Variants in RHEB observed in about 807,000 individuals in gnomAD.
RHEB encodes the protein GTP-binding protein Rheb.
RHEB carries 2 observed loss-of-function variants against 28.8 expected under a neutral mutation model. The observed-to-expected ratio is 0.07, with a 90% CI of 0.03 to 0.22. The LOEUF (loss-of-function observed/expected upper bound fraction) is 0.22, where lower values mean the gene tolerates loss of function less well. Among genes scored for constraint, RHEB ranks in the 10% least tolerant of loss-of-function variants. The probability of loss-of-function intolerance (pLI) is 1.00; values close to 1 mark genes in which losing one functional copy is unlikely to be tolerated. For synonymous variants in RHEB, 69 were observed against 77.3 expected (o/e 0.89, Z 0.56); for missense variants, 76 against 219.9 (o/e 0.35, Z 4.14).
intron 2 of RHEB, among the ~76,000 whole-genome samples, chr7:151,486,173 T>C (rs543450534): frequency 2.0e-5 from 3 of 152,326 alleles, no homozygotes; most frequent in Admixed American, 6.5e-5. Context: ...TCACGTGAGA[T>C]TGAAGTGTAT....
intron 1 of RHEB, among the ~76,000 whole-genome samples, chr7:151,492,151 C>G (rs956327772): frequency 2.6e-5 from 4 of 152,188 alleles, no homozygotes; most frequent in Admixed American, 2.0e-4. Context: ...AACTCCATCA[C>G]AACAGGACGT....
intron 4 of RHEB, among the ~76,000 whole-genome samples, chr7:151,473,917 CTGG>C (rs777159389): frequency 6.6e-6 from 1 of 152,194 alleles, no homozygotes; most frequent in East Asian, 1.9e-4. Flanking sequence ...CTGAAAAAGA[CTGG>C]TGGGGAAAAT....
chr7:151,467,386 C>T (rs115795498), intron 7 of RHEB, among the ~76,000 whole-genome samples, 175 bp from the exon 8 acceptor site: 2,974 of 152,150 alleles, frequency 0.02, 107 homozygotes, highest in African/African-American at 0.068. Flanking sequence ...CCACTGTCCA[C>T]CCCTCCTGAC....
At chr7:151,489,178 T>C (rs940779264) in intron 2 of RHEB, among the ~76,000 whole-genome samples, 1 of 152,266 alleles carries the variant, frequency 6.6e-6, no homozygotes, top group Non-Finnish European at 1.5e-5. Flanking sequence ...AACAATCTTC[T>C]ATTGTTCTGT....
intron 2 of RHEB, among the ~76,000 whole-genome samples, chr7:151,485,064 A>C (rs1349596302): frequency 2.0e-5 from 3 of 152,226 alleles, no homozygotes; most frequent in Non-Finnish European, 4.4e-5. Context: ...GCAACAATTC[A>C]TATCCTATAA....
intron 3 of RHEB, among the ~76,000 whole-genome samples, chr7:151,482,140 G>A (rs774159265): frequency 1.3e-5 from 2 of 152,184 alleles, no homozygotes; most frequent in Non-Finnish European, 2.9e-5. Flanking sequence ...AGCATTGAAG[G>A]TCTACAAAGA....
chr7:151,515,862 CT>C (rs1039721901), intron 1 of RHEB, among the ~76,000 whole-genome samples: 1 of 152,200 alleles, frequency 6.6e-6, no homozygotes, highest in Non-Finnish European at 1.5e-5. Flanking sequence ...CATTTTCCCC[CT>C]ATGATCTTTC....
intron 2 of RHEB, among the ~76,000 whole-genome samples, chr7:151,485,747 G>C (rs763370313): frequency 4.6e-5 from 7 of 152,202 alleles, no homozygotes; most frequent in Non-Finnish European, 8.8e-5. Flanking sequence ...ATTGATCAGA[G>C]ATCTTATCTG....
chr7:151,469,319 T>C (rs1283902145), intron 7 of RHEB, among the ~76,000 whole-genome samples: 1 of 152,220 alleles, frequency 6.6e-6, no homozygotes, highest in East Asian at 1.9e-4. Flanking sequence ...GATATTTATA[T>C]AAATGATACT....
chr7:151,505,153 T>A (rs906246370), intron 1 of RHEB, among the ~76,000 whole-genome samples: 6 of 125,160 alleles, frequency 4.8e-5, no homozygotes, highest in Non-Finnish European at 6.6e-5. Flanking sequence ...CCTGACACGA[T>A]ACAAAATAAA....
rs570597077 is a variant in RHEB, at chr7:151,491,564, C to T, written c.53-550G>A. Among the ~76,000 whole-genome samples the T allele has an allele frequency of 6.6e-5, 10 of 152,010 alleles. No homozygotes were observed. In the East Asian group the frequency reaches 1.2e-3, roughly 18 times the overall value. Reference sequence around the variant, plus strand: ...CAGCCTGGCCAACATGGCGAAATCCCGTCTCTACTAAAATTAACAAAAATT... The same window carrying T: ...CAGCCTGGCCAACATGGCGAAATCCTGTCTCTACTAAAATTAACAAAAATT... On this transcript the variant is annotated intron_variant, in intron 1 of 7. Transcript: ENST00000262187.
intron 1 of RHEB, among the ~76,000 whole-genome samples, chr7:151,498,759 C>T (rs1401411815): frequency 3.3e-5 from 5 of 152,176 alleles, no homozygotes; most frequent in Non-Finnish European, 7.4e-5. Flanking sequence ...TTACTTAAAC[C>T]TCTACCTAGT....
At chr7:151,495,528 G>C (rs1802657309) in intron 1 of RHEB, among the ~76,000 whole-genome samples, 3 of 152,196 alleles carry the variant, frequency 2.0e-5, no homozygotes, top group Admixed American at 2.0e-4. Context: ...TTTCACTACA[G>C]AAGGTGTACT....
intron 1 of RHEB, among the ~76,000 whole-genome samples, chr7:151,505,102 C>CA (rs796748124): frequency 0.084 from 8,203 of 97,998 alleles, 730 homozygotes; most frequent in African/African-American, 0.25. Flanking sequence ...AAAGTGAAAA[C>CA]AAAAAAAAAA....
intron 6 of RHEB, among the ~76,000 whole-genome samples, chr7:151,470,976 G>C (rs186321973): frequency 2.6e-5 from 4 of 152,360 alleles, no homozygotes; most frequent in Admixed American, 1.3e-4. Context: ...CCCAAGGCCA[G>C]GGGAAATTGT....
chr7:151,491,900 T>G (rs772533855), intron 1 of RHEB, among the ~76,000 whole-genome samples: 1 of 152,234 alleles, frequency 6.6e-6, no homozygotes, highest in Non-Finnish European at 1.5e-5. Flanking sequence ...TGAACTTGTA[T>G]GTTAATAAAT....
At chr7:151,506,880 C>T (rs968951080) in intron 1 of RHEB, among the ~76,000 whole-genome samples, 1 of 152,116 alleles carries the variant, frequency 6.6e-6, no homozygotes, top group Non-Finnish European at 1.5e-5. Flanking sequence ...GCTGGGAAGG[C>T]GGGGCATTCT....
chr7:151,513,833 A>G (rs918225583), intron 1 of RHEB, among the ~76,000 whole-genome samples: 5 of 152,250 alleles, frequency 3.3e-5, no homozygotes, highest in Non-Finnish European at 7.3e-5. Flanking sequence ...AAGACATTAA[A>G]AGATACCTGC....
intron 4 of RHEB, among the ~76,000 whole-genome samples, chr7:151,473,022 G>T (rs560401080): frequency 5.6e-4 from 85 of 152,342 alleles, no homozygotes; most frequent in Non-Finnish European, 1.0e-3. Context: ...AAAGAACTAG[G>T]ACTGTGTGGC....
Sources: allele counts gnomAD v4.1 joint callset (sites outside exome capture counted in the v4.1 genomes callset), GRCh38; gene constraint gnomAD v4.1.1; transcripts MANE v1.5; gene names NCBI Gene and HGNC (gene_info 2026-07-23, HGNC 2026-07-21).